Variants in RETREG1 observed in about 807,000 individuals in gnomAD.
The protein encoded by RETREG1 is reticulophagy regulator 1.
RETREG1 carries 44 observed loss-of-function variants against 54.8 expected under a neutral mutation model. That is an observed-to-expected ratio of 0.80 (90% CI 0.63 to 1.03). The LOEUF is 1.03. Ranked by LOEUF, RETREG1 falls within the 50% of genes least tolerant of loss-of-function variation. The pLI is 0.00. For synonymous variants in RETREG1, 217 were observed against 238.5 expected (o/e 0.91, Z 0.83); for missense variants, 554 against 605.1 (o/e 0.92, Z 0.89).
At chr5:16,583,238 T>C (rs1445443043) in intron 1 of RETREG1, among the ~76,000 whole-genome samples, 1 of 151,954 alleles carries the variant, frequency 6.6e-6, no homozygotes, top group Non-Finnish European at 1.5e-5. Context: ...CCCAGCACTT[T>C]GGGAGGCTGA....
intron 3 of RETREG1, among the ~76,000 whole-genome samples, chr5:16,509,659 G>A (rs1054049163): frequency 3.3e-5 from 5 of 151,890 alleles, no homozygotes; most frequent in South Asian, 4.2e-4. Flanking sequence ...GGAATGTTAG[G>A]GATGGCAGAA....
At chr5:16,526,730 T>C (rs1210615444) in intron 3 of RETREG1, among the ~76,000 whole-genome samples, 3 of 152,194 alleles carry the variant, frequency 2.0e-5, no homozygotes, top group African/African-American at 4.8e-5. Flanking sequence ...ATTAGAAATA[T>C]TCAATATTTC....
intron 5 of RETREG1, 114 bp from the exon 6 acceptor site, chr5:16,479,101 G>T (rs1738660330): frequency 2.0e-6 from 2 of 977,158 alleles, no homozygotes; most frequent in Admixed American, 2.4e-5. Flanking sequence ...GTTTTTTTAA[G>T]GGAAATGCCA....
At chr5:16,542,466 C>T (rs566814316) in intron 3 of RETREG1, among the ~76,000 whole-genome samples, 1 of 151,180 alleles carries the variant, frequency 6.6e-6, no homozygotes, top group African/African-American at 2.5e-5. Flanking sequence ...TTCCTCCAAC[C>T]AACGATAGTC....
intron 1 of RETREG1, among the ~76,000 whole-genome samples, chr5:16,607,748 G>A (rs1461327389): frequency 6.6e-6 from 1 of 151,940 alleles, no homozygotes; most frequent in African/African-American, 2.4e-5. Flanking sequence ...AAATTCCTTA[G>A]CATGGTCCAA....
intron 3 of RETREG1, among the ~76,000 whole-genome samples, chr5:16,534,180 T>C (rs942038543): frequency 4.6e-5 from 7 of 152,110 alleles, no homozygotes; most frequent in African/African-American, 1.7e-4. Context: ...CCGGGCATGG[T>C]GGCTCACACC....
At chr5:16,511,005 A>G (rs1338330783) in intron 3 of RETREG1, among the ~76,000 whole-genome samples, 1 of 152,100 alleles carries the variant, frequency 6.6e-6, no homozygotes, top group East Asian at 1.9e-4. Context: ...ACAGAACTGA[A>G]TATATCCCTG....
chr5:16,579,357 G>C (rs1450041277), intron 1 of RETREG1, among the ~76,000 whole-genome samples: 2 of 152,182 alleles, frequency 1.3e-5, no homozygotes, highest in African/African-American at 4.8e-5. Context: ...AGGCAGCCTG[G>C]CTCTAAGCCA....
At chr5:16,584,831 A>T (rs1376238512) in intron 1 of RETREG1, among the ~76,000 whole-genome samples, 2 of 152,206 alleles carry the variant, frequency 1.3e-5, no homozygotes, top group Admixed American at 6.5e-5. Context: ...TAAAACATGT[A>T]TGTGTGTTGG....
At chr5:16,610,014 G>A (rs901531928) in intron 1 of RETREG1, among the ~76,000 whole-genome samples, 1 of 152,168 alleles carries the variant, frequency 6.6e-6, no homozygotes, top group African/African-American at 2.4e-5. Flanking sequence ...TGAGTGTGGA[G>A]GAGGCCCATG....
intron 3 of RETREG1, among the ~76,000 whole-genome samples, chr5:16,512,059 C>A (rs1740194998): frequency 6.6e-6 from 1 of 152,088 alleles, no homozygotes. Context: ...TGTCCCCCCA[C>A]TGAAGGCCTA....
At chr5:16,615,334 A>G (rs1243557875) in intron 1 of RETREG1, among the ~76,000 whole-genome samples, 1 of 146,788 alleles carries the variant, frequency 6.8e-6, no homozygotes. Context: ...CGGGAGGCAG[A>G]GCTTGCAGCG....
At chr5:16,553,723 T>G (rs1019416290) in intron 3 of RETREG1, among the ~76,000 whole-genome samples, 2 of 152,148 alleles carry the variant, frequency 1.3e-5, no homozygotes, top group Admixed American at 1.3e-4. Flanking sequence ...ACTGTATCAG[T>G]CCTGATTGGA....
At chr5:16,570,511 C>T (rs1742144932) in intron 2 of RETREG1, among the ~76,000 whole-genome samples, 1 of 152,140 alleles carries the variant, frequency 6.6e-6, no homozygotes, top group South Asian at 2.1e-4. Context: ...TTCCTGGGTC[C>T]ATGTTTAGCT....
intron 3 of RETREG1, chr5:16,508,476 A>T: frequency 1.8e-6 from 2 of 1,141,510 alleles, no homozygotes; most frequent in Non-Finnish European, 2.6e-6. Context: ...TCATATTTTT[A>T]CATTTTAAAC....
At chr5:16,611,176 T>G (rs1743332569) in intron 1 of RETREG1, among the ~76,000 whole-genome samples, 1 of 152,168 alleles carries the variant, frequency 6.6e-6, no homozygotes, top group Non-Finnish European at 1.5e-5. Context: ...ACACTGCATG[T>G]TCTCACTTAT....
At position 16,487,849 on chromosome 5, in the gene RETREG1, G is replaced by A. The variant is rs112987323; in HGVS notation, c.459-4377C>T. Among the ~76,000 whole-genome samples, 352 of 152,360 alleles carry A rather than the reference G, an allele frequency of 2.3e-3. 2 individuals are homozygous for A. Among genetic ancestry groups the A allele is most frequent in the African/African-American group, 8.0e-3 (333 of 41,590 alleles). On this transcript the variant is annotated intron_variant, in intron 3 of 8. Coordinates refer to ENST00000306320, the MANE Select transcript of RETREG1 (RefSeq NM_001034850.3). ...CACAGAAAGGAGCTTTGGCTTCTCA[G>A]TAGAATTTCAAACCAACATCCCTTC...
intron 3 of RETREG1, among the ~76,000 whole-genome samples, chr5:16,486,282 TG>T (rs1179150770): frequency 1.3e-5 from 2 of 152,102 alleles, no homozygotes; most frequent in Non-Finnish European, 2.9e-5. Context: ...AAAAAGAAAA[TG>T]TAAGTTCCAG....
At chr5:16,511,634 G>T (rs988656424) in intron 3 of RETREG1, among the ~76,000 whole-genome samples, 11 of 152,150 alleles carry the variant, frequency 7.2e-5, no homozygotes, top group African/African-American at 2.7e-4. Context: ...CAAGGATGGT[G>T]TATTAGTCCA....
Sources: gnomAD v4.1 joint callset for allele counts (sites outside exome capture counted in the v4.1 genomes callset) on GRCh38, gnomAD v4.1.1 for gene constraint, MANE v1.5 for transcripts, NCBI Gene and HGNC (gene_info 2026-07-23, HGNC 2026-07-21) for gene names.